Variants in XPO7 observed in about 807,000 individuals in gnomAD.
The protein encoded by XPO7 is exportin 7.
In XPO7, 21 loss-of-function variants were observed where a neutral mutation model predicts 144.3. The ratio of observed to expected loss-of-function variants is 0.15; its 90% CI spans 0.10 to 0.21. XPO7 has a LOEUF of 0.21. XPO7 is among the 10% of genes least tolerant of loss of function. XPO7 has a pLI of 1.00. For missense variants in XPO7, 808 were observed against 1,325.8 expected (o/e 0.61, Z 6.06); for synonymous variants, 580 against 499.6 (o/e 1.16, Z -2.15).
At chr8:22,001,535 T>C (rs1167771252) in intron 24 of XPO7, among the ~76,000 whole-genome samples, 1 of 152,152 alleles carries the variant, frequency 6.6e-6, no homozygotes, top group Non-Finnish European at 1.5e-5. Context: ...AAACAGATAA[T>C]ACAGCATACC....
chr8:21,919,872 C>T, intron 1 of XPO7, 84 bp downstream of exon 1: 2 of 305,052 alleles, frequency 6.6e-6, no homozygotes, highest in Non-Finnish European at 1.2e-5. Context: ...AGGGCGCCAG[C>T]CGGCTCGGGA....
intron 11 of XPO7, 137 bp downstream of exon 11, chr8:21,982,949 T>G: frequency 1.8e-6 from 2 of 1,112,694 alleles, no homozygotes; most frequent in Non-Finnish European, 2.5e-6. Context: ...TCTTCTTCCT[T>G]GTCAGCAGAG....
chr8:21,980,048 T>G (rs765700442), intron 8 of XPO7, 36 bp from the exon 9 acceptor site: 1 of 1,531,496 alleles, frequency 6.5e-7, no homozygotes, highest in African/African-American at 1.4e-5. Flanking sequence ...GTACAGTCTT[T>G]TTAATCGTTG....
Position 21,991,863 on chromosome 8 carries a change from T to C in XPO7, c.2042-5T>C. On this transcript the variant is annotated splice_polypyrimidine_tract_variant and splice_region_variant and intron_variant, in intron 18 of 27. Coordinates refer to ENST00000252512, the MANE Select transcript of XPO7 (RefSeq NM_015024.5). The stretch of plus-strand genomic sequence containing the variant: ...GGGTTACACCCTGGGATGTTTCCTT[T>C]ACAGGAGAGGATGAAGATCAGTATG... The C allele has an allele frequency of 1.2e-6, 2 of 1,608,544 alleles. No homozygotes were observed. Among genetic ancestry groups the C allele is most frequent in the South Asian group, 2.2e-5 (2 of 89,954 alleles).
rs114989361 is a variant in XPO7 at position 22,005,914 on chromosome 8, G to A, written c.*826G>A. 6.6e-6 allele frequency: 1 copy of A among 152,308 alleles called. No homozygotes were observed. The highest frequency in any genetic ancestry group is 2.4e-5 in the African/African-American group (1 of 41,556). 9.4% of individuals were successfully genotyped at this position (152,308 alleles called of 1,614,324 possible). A position where few individuals can be genotyped will look rare whatever the true frequency, so the allele number is the denominator to read the frequency against. ...AGACAGATGCCTCTTGCTTTTAAAA[G>A]TTGGATTTAACGACGTGTTGTAGGG... On this transcript the variant is annotated 3_prime_UTR_variant, in exon 28 of 28. Transcript: ENST00000252512.
chr8:21,965,992 A>G (rs1811870612), intron 1 of XPO7, among the ~76,000 whole-genome samples: 1 of 150,076 alleles, frequency 6.7e-6, no homozygotes, highest in African/African-American at 2.5e-5. Flanking sequence ...AGTCAGTGAA[A>G]GGTGATATTG....
At chr8:21,992,928 C>A (rs1042258306) in intron 19 of XPO7, among the ~76,000 whole-genome samples, 2 of 152,174 alleles carry the variant, frequency 1.3e-5, no homozygotes, top group East Asian at 3.8e-4. Context: ...GAACTACCAG[C>A]TAGCCAGGGT....
At chr8:21,970,369 AACACACACACAC>A (rs140784168) in intron 4 of XPO7, 59 bp downstream of exon 4, 1 of 1,135,682 alleles carries the variant, frequency 8.8e-7, no homozygotes, top group Non-Finnish European at 1.2e-6. Flanking sequence ...CATATATATA[AACACACACACAC>A]ACACACACAC....
chr8:21,991,329 T>C (rs757105922), intron 18 of XPO7, among the ~76,000 whole-genome samples: 2 of 152,226 alleles, frequency 1.3e-5, no homozygotes, highest in Non-Finnish European at 2.9e-5. Context: ...TTTATCACTT[T>C]TGTAGCAGTA....
At chr8:21,922,560 T>A (rs1356728899) in intron 1 of XPO7, among the ~76,000 whole-genome samples, 6 of 152,150 alleles carry the variant, frequency 3.9e-5, no homozygotes, top group Non-Finnish European at 8.8e-5. Context: ...ATGTTTTTTT[T>A]AACATATCTA....
At chr8:21,999,864 C>G (rs1813080010) in intron 24 of XPO7, among the ~76,000 whole-genome samples, 190 bp downstream of exon 24, 1 of 152,194 alleles carries the variant, frequency 6.6e-6, no homozygotes, top group African/African-American at 2.4e-5. Context: ...TTCCTAAGTA[C>G]AAGGCCCTGT....
chr8:21,945,971 C>G (rs1397545441), intron 1 of XPO7, among the ~76,000 whole-genome samples: 2 of 152,098 alleles, frequency 1.3e-5, no homozygotes, highest in Non-Finnish European at 2.9e-5. Flanking sequence ...ATGAGGAAGC[C>G]AAAGCTGAGA....
At chr8:21,930,830 T>C (rs1810620804) in intron 1 of XPO7, among the ~76,000 whole-genome samples, 1 of 152,188 alleles carries the variant, frequency 6.6e-6, no homozygotes, top group Non-Finnish European at 1.5e-5. Flanking sequence ...TCCATTTCAA[T>C]AGCCTTTAGA....
chr8:21,980,652 G>C (rs894817935), intron 9 of XPO7, among the ~76,000 whole-genome samples: 7 of 151,996 alleles, frequency 4.6e-5, no homozygotes, highest in Non-Finnish European at 8.8e-5. Flanking sequence ...GCACGTGCCT[G>C]TAATCCCAGC....
Position 21,987,123 on chromosome 8 carries a change from T to G in XPO7, c.1578-18T>G. ...GGATGTCCTGCTGTTGAGAGAATCA[T>G]TGCTCCTCTTCCTCCAGGGTGCTCC... On this transcript the variant is annotated intron_variant, in intron 13 of 27. Coordinates refer to ENST00000252512, the MANE Select transcript of XPO7 (RefSeq NM_015024.5). 1 of 1,613,406 alleles carries G rather than the reference T, an allele frequency of 6.2e-7. No individual in the cohort carries two copies. Among genetic ancestry groups the G allele is most frequent in the South Asian group, 1.1e-5 (1 of 91,044 alleles).
chr8:21,968,524 A>C (rs2117327895), intron 2 of XPO7, among the ~76,000 whole-genome samples: 1 of 152,274 alleles, frequency 6.6e-6, no homozygotes, highest in South Asian at 2.1e-4. Context: ...GGATTGATGC[A>C]CTTGTATTTG....
intron 19 of XPO7, 87 bp downstream of exon 19, chr8:21,992,061 A>T: frequency 1.1e-6 from 1 of 929,390 alleles, no homozygotes; most frequent in Non-Finnish European, 1.6e-6. Flanking sequence ...TAAACTATCC[A>T]CTGCCATAGC....
intron 15 of XPO7, 147 bp downstream of exon 15, chr8:21,988,004 C>CTG (rs1360132454): frequency 2.3e-6 from 2 of 853,276 alleles, no homozygotes; most frequent in African/African-American, 3.4e-5. Flanking sequence ...GTGTGACAAG[C>CTG]TGTGCTTAGA....
intron 1 of XPO7, among the ~76,000 whole-genome samples, chr8:21,938,576 T>C (rs1585422781): frequency 6.6e-6 from 1 of 152,292 alleles, no homozygotes; most frequent in East Asian, 1.9e-4. Context: ...GTAGGATGCG[T>C]CATTTACATA....
Sources: gnomAD v4.1 joint callset for allele counts (sites outside exome capture counted in the v4.1 genomes callset) on GRCh38, gnomAD v4.1.1 for gene constraint, MANE v1.5 for transcripts, NCBI Gene and HGNC (gene_info 2026-07-23, HGNC 2026-07-21) for gene names.